CCDC88B: variants seen among roughly 807,000 people sequenced by gnomAD.
CCDC88B encodes the protein coiled-coil domain-containing protein 88B.
CCDC88B carries 138 observed loss-of-function variants against 183.7 expected under a neutral mutation model. The ratio of observed to expected loss-of-function variants is 0.75; its 90% CI spans 0.65 to 0.87. CCDC88B has a LOEUF of 0.87. CCDC88B is among the 40% of genes least tolerant of loss of function. The pLI, the probability that CCDC88B is intolerant of heterozygous loss-of-function variation, is 0.00. For missense variants in CCDC88B, 1,822 were observed against 1,965.6 expected (o/e 0.93, Z 1.38); for synonymous variants, 835 against 867.5 (o/e 0.96, Z 0.66).
intron 14 of CCDC88B, among the ~76,000 whole-genome samples, chr11:64,348,043 C>T (rs1367556922): frequency 6.5e-5 from 6 of 92,496 alleles, no homozygotes; most frequent in Non-Finnish European, 1.1e-4. Flanking sequence ...GAGCAAGACT[C>T]CGTCTCAAAA....
At chr11:64,347,236 AG>A (rs2036147128) in intron 14 of CCDC88B, among the ~76,000 whole-genome samples, 1 of 152,240 alleles carries the variant, frequency 6.6e-6, no homozygotes. Context: ...TTCCAAGCTA[AG>A]GAAGGGGTTA....
At chr11:64,347,632 T>C (rs1386027134) in intron 14 of CCDC88B, among the ~76,000 whole-genome samples, 5 of 152,288 alleles carry the variant, frequency 3.3e-5, no homozygotes, top group African/African-American at 1.2e-4. Flanking sequence ...GGGTCCACTC[T>C]GTGGGGTGTG....
rs1159759347 is a variant in CCDC88B, at chr11:64,342,334, G to A, written c.862G>A (p.Val288Met). 4 of 1,595,504 alleles carry A rather than the reference G, an allele frequency of 2.5e-6. No individual in the cohort carries two copies. The highest frequency in any genetic ancestry group is 2.3e-5 in the South Asian group (2 of 88,064). Residue 288 changes from valine (V) to methionine (M), a missense_variant, in exon 9 of 27, where the codon GTG becomes ATG. Coordinates refer to ENST00000356786, the MANE Select transcript of CCDC88B (RefSeq NM_032251.6). The stretch of plus-strand genomic sequence containing the variant: ...GCTGCTGCTAGACTCCCAGGCCGAG[G>A]TGCAGGGTTTGGAGGCCGAAATAAG... ...AELLLDSQAE[V>M]QGLEAEIRRL... is the part of the protein sequence containing the mutation.
Position 64,349,469 on chromosome 11 carries a change from G to A in CCDC88B, c.2744+11G>A. 1 of 1,609,336 alleles carries A rather than the reference G, an allele frequency of 6.2e-7. No homozygotes were observed. The highest frequency in any genetic ancestry group is 8.5e-7 in the Non-Finnish European group (1 of 1,177,684). On this transcript the variant is annotated intron_variant, in intron 15 of 26. Transcript: ENST00000356786. ...AAGCCAGCACCAGAGGTGGGGACAG[G>A]GCTGAGGGGAAGAATGAGGGAGGCA...
At position 64,344,645 on chromosome 11, in the gene CCDC88B, T is replaced by G; in HGVS notation, c.2104T>G (p.Ser702Ala). Residue 702 changes from serine to alanine, a missense_variant, in exon 14 of 27, where the codon TCA becomes GCA. Ser to Ala is a moderately conservative substitution (Grantham distance 99, BLOSUM62 1). Coordinates refer to ENST00000356786, the MANE Select transcript of CCDC88B (RefSeq NM_032251.6). This position sits in a 1 kb window ranked among gnomAD's most constrained non-coding sequence, Gnocchi z 4.5. ...AGCCTGGCAAAAACCACAGCAGAAG[T>G]CAGAAGGGGCTCTTGAGGTCCAGGT... The part of the protein sequence containing the change: ...DPAWQKPQQK[S>A]EGALEVQVWE... 1 of 1,613,320 alleles carries G rather than the reference T, an allele frequency of 6.2e-7. No individual in the cohort carries two copies.
Position 64,340,735 on chromosome 11 carries a change from C to T in CCDC88B, c.189C>T (p.Leu63=), listed in dbSNP as rs78194959. Residue 63 remains leucine, a synonymous_variant, in exon 2 of 27, where the codon CTC becomes CTT. Coordinates refer to ENST00000356786, the MANE Select transcript of CCDC88B (RefSeq NM_032251.6). ...FLRLSDGALL[L]RVLGIIAPSS... Reference sequence around the variant, plus strand: ...GCCTCAGCGATGGGGCCCTGCTCCTCCGGGTGCTGGGCATCATGTAAGGGG... The same window carrying T: ...GCCTCAGCGATGGGGCCCTGCTCCTTCGGGTGCTGGGCATCATGTAAGGGG... 1,767 of 1,611,158 alleles carry T rather than the reference C, an allele frequency of 1.1e-3. 17 individuals carry two copies. In the East Asian group the frequency reaches 0.026, roughly 24 times the overall value.
rs774231815 is a variant in CCDC88B, at chr11:64,352,762, C to T, written c.3375C>T (p.Ala1125=). 1.2e-6 allele frequency: 2 copies of T among 1,613,522 alleles called. No homozygotes were observed. The highest frequency in any genetic ancestry group is 1.7e-6 in the Non-Finnish European group (2 of 1,180,006). The change falls in exon 20 of 27, where the codon GCC becomes GCT. Residue 1125 remains alanine (A), a synonymous_variant. Transcript: ENST00000356786. ...ELQGRHEQLQ[A]QRASVEAQEV... ...ATCCCAGGCACGAGCAGCTGCAGGC[C>T]CAGCGGGCCAGCGTGGAGGCACAGG...
chr11:64,349,815 A>C, intron 16 of CCDC88B, 147 bp downstream of exon 16: 1 of 721,954 alleles, frequency 1.4e-6, no homozygotes, highest in East Asian at 2.7e-5. Context: ...CCTGTTGGAG[A>C]GAGCACTGTG....
At position 64,353,717 on chromosome 11, in the gene CCDC88B, A is replaced by T; in HGVS notation, c.3836A>T (p.Asp1279Val). Reference sequence around the variant, plus strand: ...CTCTCCCTTCTCACTCCTGCCAGGGACCAGCTTAATGCCCTGCGCCGCGAG... The same window carrying T: ...CTCTCCCTTCTCACTCCTGCCAGGGTCCAGCTTAATGCCCTGCGCCGCGAG... ...HLHREQREYLDQLNALRREKQ... is the reference protein window; with the variant it reads ...HLHREQREYLVQLNALRREKQ... The change falls in exon 23 of 27, where the codon GAC (aspartate) becomes GTC (valine). Residue 1279 changes from aspartate to valine, a missense_variant and splice_region_variant. By Grantham distance (152) the Asp-to-Val change is radical. Coordinates refer to ENST00000356786, the MANE Select transcript of CCDC88B (RefSeq NM_032251.6). 1 of 1,613,852 alleles carries T rather than the reference A, an allele frequency of 6.2e-7. No homozygotes were observed. Among genetic ancestry groups the T allele is most frequent in the Non-Finnish European group, 8.5e-7 (1 of 1,179,930 alleles).
chr11:64,343,798 C>G lies in CCDC88B; in HGVS notation c.1339C>G (p.Pro447Ala), dbSNP rs1000383749. 5 of 1,582,394 alleles carry G rather than the reference C, an allele frequency of 3.2e-6. No individual in the cohort carries two copies. The highest frequency in any genetic ancestry group is 4.3e-6 in the Non-Finnish European group (5 of 1,164,278). Reference protein sequence around the residue: ...PGEAPLAGAAPSLQDEVREAE... With the variant: ...PGEAPLAGAAASLQDEVREAE... Reference sequence around the variant, plus strand: ...CTCAGCACCCCTAGCAGGAGCGGCCCCCTCGCTGCAAGATGAGGTGAGGGA... The same window carrying G: ...CTCAGCACCCCTAGCAGGAGCGGCCGCCTCGCTGCAAGATGAGGTGAGGGA... The change falls in exon 13 of 27, where the codon CCC becomes GCC. Residue 447 changes from proline to alanine, a missense_variant. By Grantham distance (27) the Pro-to-Ala change is conservative. Transcript: ENST00000356786.
In CCDC88B at chr11:64,342,536, G is replaced by A. The variant is rs2035915735; in HGVS notation, c.918G>A (p.Ser306=). The stretch of plus-strand genomic sequence containing the variant: ...GTCTGGCCCAGGCCCAGGCGCTGTC[G>A]GGACAGGCCAAGCGGGCCGAGCTGT... ...RRLRQEAQAL[S]GQAKRAELYR... Residue 306 remains serine (S), a synonymous_variant, in exon 10 of 27, where the codon TCG becomes TCA. Transcript: ENST00000356786. 6.5e-7 allele frequency: 1 copy of A among 1,529,952 alleles called. No individual in the cohort carries two copies. Among genetic ancestry groups the A allele is most frequent in the Non-Finnish European group, 8.7e-7 (1 of 1,143,714 alleles). 94.8% of individuals were successfully genotyped at this position (1,529,952 alleles called of 1,614,324 possible).
Position 64,342,821 on chromosome 11 carries a change from C to A in CCDC88B, c.1062+141C>A, listed in dbSNP as rs1394295614. 6 of 1,043,196 alleles carry A rather than the reference C, an allele frequency of 5.8e-6. No homozygotes were observed. In the East Asian group the frequency reaches 1.4e-4, roughly 25 times the overall value. The allele number at this position is 1,043,196 out of a possible 1,614,324, so 64.6% of individuals were successfully genotyped here. A position where few individuals can be genotyped will look rare whatever the true frequency, so the allele number is the denominator to read the frequency against. On this transcript the variant is annotated intron_variant, in intron 10 of 26. Transcript: ENST00000356786. ...GTGGAGAAATGGGTGAGGACAAATT[C>A]AGGGAGGTGGCGTCTGGGAAAGGGC...
In CCDC88B at chr11:64,353,714, G is replaced by C. The variant is rs1328822815; in HGVS notation, c.3834-1G>C. ...CACCTCTCCCTTCTCACTCCTGCCA[G>C]GGACCAGCTTAATGCCCTGCGCCGC... On this transcript the variant is annotated splice_acceptor_variant, in intron 22 of 26. Transcript: ENST00000356786. LOFTEE classifies it high-confidence loss of function. 3 of 1,613,988 alleles carry C rather than the reference G, an allele frequency of 1.9e-6. No individual in the cohort carries two copies. Among genetic ancestry groups the C allele is most frequent in the Non-Finnish European group, 2.5e-6 (3 of 1,179,952 alleles).
chr11:64,351,535 G>T lies in CCDC88B; in HGVS notation c.3018G>T (p.Gly1006=), dbSNP rs1308690905. 4.4e-6 allele frequency: 7 copies of T among 1,575,012 alleles called. No homozygotes were observed. The Admixed American group carries it at 5.3e-5, about 12-fold the overall frequency. The change falls in exon 18 of 27, where the codon GGG becomes GGT. Residue 1006 remains glycine (G), a synonymous_variant. Transcript: ENST00000356786. ...AGGGGCAGCTGCAGCACCTGGAGGG[G>T]CAGCTGGGGAGCCTGCAGGGCCGTG... ...ALQGQLQHLE[G]QLGSLQGRAQ...
chr11:64,348,858 C>A, intron 14 of CCDC88B: 1 of 620,832 alleles, frequency 1.6e-6, no homozygotes, highest in Non-Finnish European at 3.0e-6. Flanking sequence ...CCCCCTGCCC[C>A]CCCAGCCCCC....
In CCDC88B at chr11:64,340,703, T is replaced by A. The variant is rs2035799622; in HGVS notation, c.157T>A (p.Phe53Ile). The A allele has an allele frequency of 4.3e-6, 7 of 1,612,332 alleles. No individual in the cohort carries two copies. The highest frequency in any genetic ancestry group is 5.9e-6 in the Non-Finnish European group (7 of 1,179,758). The change falls in exon 2 of 27, where the codon TTC becomes ATC. Residue 53 changes from phenylalanine to isoleucine, a missense_variant. By Grantham distance (21) the Phe-to-Ile change is conservative (BLOSUM62 0). Transcript: ENST00000356786. ...EEPPLWLEKR[F>I]LRLSDGALLL... Reference sequence around the variant, plus strand: ...GCCGCCCCTTTGGTTGGAGAAGAGATTCCTGCGCCTCAGCGATGGGGCCCT... The same window carrying A: ...GCCGCCCCTTTGGTTGGAGAAGAGAATCCTGCGCCTCAGCGATGGGGCCCT...
rs7944314 is a variant in CCDC88B at position 64,357,126 on chromosome 11, C to G, written c.*32C>G. 1.3e-3 allele frequency: 2,098 copies of G among 1,612,806 alleles called. 34 individuals are homozygous for G. The African/African-American group carries it at 0.025, about 19-fold the overall frequency. ...GGGAACAGCAGGCTTGGGAGTGCAG[C>G]CTTCTCGGCACTGGAGTGTCAGCGG... is the stretch of plus-strand genomic sequence containing the variant. On this transcript the variant is annotated 3_prime_UTR_variant, in exon 27 of 27. Coordinates refer to ENST00000356786, the MANE Select transcript of CCDC88B (RefSeq NM_032251.6).
intron 16 of CCDC88B, chr11:64,349,963 G>A: frequency 2.2e-6 from 1 of 451,506 alleles, no homozygotes. Flanking sequence ...TCAGTGTTTG[G>A]CATCAAGGAA....
rs1179426467 is a variant in CCDC88B at position 64,349,415 on chromosome 11, G to A, written c.2701G>A (p.Glu901Lys). 3 of 1,613,346 alleles carry A rather than the reference G, an allele frequency of 1.9e-6. No individual in the cohort carries two copies. The highest frequency in any genetic ancestry group is 2.5e-6 in the Non-Finnish European group (3 of 1,179,842). ...GCGTGAGCTGGAGCAGGCGGCTCTCGAGCGCCAGGAATTTCTGCGAGAAAA... is the reference window on the plus strand; with the variant it reads ...GCGTGAGCTGGAGCAGGCGGCTCTCAAGCGCCAGGAATTTCTGCGAGAAAA... ...LQRELEQAAL[E>K]RQEFLREKES... The change falls in exon 15 of 27, where the codon GAG (glutamate) becomes AAG (lysine). Residue 901 changes from glutamate to lysine, a missense_variant. Glu to Lys is a moderately conservative substitution (Grantham distance 56, BLOSUM62 1). Transcript: ENST00000356786.
Sources: gnomAD v4.1 joint callset for allele counts (sites outside exome capture counted in the v4.1 genomes callset) on GRCh38, gnomAD v4.1.1 for gene constraint, Gnocchi (gnomAD v3.1) non-coding constraint, MANE v1.5 for transcripts, NCBI Gene and HGNC (gene_info 2026-07-23, HGNC 2026-07-21) for gene names.